The following DNAH7 variants were observed in gnomAD, a reference collection of about 807,000 sequenced individuals.
DNAH7 encodes the protein dynein axonemal heavy chain 7, also known as axonemal beta dynein heavy chain 7.
DNAH7 carries 397 observed loss-of-function variants against 444.6 expected under a neutral mutation model. The ratio of observed to expected loss-of-function variants is 0.89; its 90% CI spans 0.82 to 0.97. The LOEUF (loss-of-function observed/expected upper bound fraction) is 0.97, where lower values mean the gene tolerates loss of function less well. Ranked by LOEUF, DNAH7 falls within the 50% of genes least tolerant of loss-of-function variation. The pLI is 0.00. For synonymous variants in DNAH7, 1,636 were observed against 1,624.4 expected, an observed-to-expected ratio of 1.01 and a Z score of -0.17; for missense variants, 4,902 against 4,800.8, an observed-to-expected ratio of 1.02 and a Z score of -0.62.
At chr2:195,917,608 A>C (rs1035524457) in intron 24 of DNAH7, among the ~76,000 whole-genome samples, 1 of 152,180 alleles carries the variant, frequency 6.6e-6, no homozygotes, top group African/African-American at 2.4e-5. Context: ...AACTTGCCTC[A>C]ATCTCTCCTT....
At chr2:195,824,861 T>C (rs989255419) in intron 48 of DNAH7, 21 of 153,490 alleles carry the variant, frequency 1.4e-4, no homozygotes, top group Admixed American at 1.3e-4. Flanking sequence ...ATCTGCAAAG[T>C]ACAGGAAGAA....
Position 195,972,394 on chromosome 2 carries a change from G to T in DNAH7, c.1906C>A (p.Leu636Ile). ...TTGACATACTCGATGAGGAAGGCGA[G>T]GCAGTTTTTGGAATCCACTAATCTC... ...EQRLVDSKNC[L>I]AFLIEYVNFS... Residue 636 changes from leucine to isoleucine, a missense_variant, in exon 16 of 65, where the codon CTC (leucine) becomes ATC (isoleucine). Leu to Ile is a conservative substitution (Grantham distance 5). Transcript: ENST00000312428. 1 of 1,614,034 alleles carries T rather than the reference G, an allele frequency of 6.2e-7. No homozygotes were observed.
intron 63 of DNAH7, among the ~76,000 whole-genome samples, chr2:195,749,551 T>G (rs1266901479): frequency 6.6e-6 from 1 of 152,088 alleles, no homozygotes; most frequent in Non-Finnish European, 1.5e-5. Flanking sequence ...ATTGCAGCAC[T>G]ATTCACAATA....
At chr2:195,764,151 T>C (rs193213508) in intron 61 of DNAH7, among the ~76,000 whole-genome samples, 23 of 152,160 alleles carry the variant, frequency 1.5e-4, no homozygotes, top group African/African-American at 4.6e-4. Context: ...ATAATTTCAA[T>C]TGATACTGAA....
At chr2:195,994,841 C>T in intron 12 of DNAH7, 1 of 434,748 alleles carries the variant, frequency 2.3e-6, no homozygotes, top group South Asian at 2.0e-5. Flanking sequence ...TTTTTCTCTT[C>T]CTGACTGAGC....
chr2:195,875,793 A>G lies in DNAH7; in HGVS notation c.6168T>C (p.Ala2056=). The change falls in exon 38 of 65, where the codon GCT becomes GCC. Residue 2056 remains alanine, a synonymous_variant. Coordinates refer to ENST00000312428, the MANE Select transcript of DNAH7 (RefSeq NM_018897.3). ...VNMPAREVYG[A]QPPIELLRQW... is the part of the protein sequence containing the mutation. ...GTCTAAGTAACTCAATGGGAGGTTG[A>G]GCCCCATATACCTCCCGAGCAGGCA... 3.1e-6 allele frequency: 5 copies of G among 1,613,816 alleles called. No homozygotes were observed. Among genetic ancestry groups the G allele is most frequent in the Non-Finnish European group, 4.2e-6 (5 of 1,179,868 alleles).
chr2:195,776,014 G>A lies in DNAH7; in HGVS notation c.11065-31C>T, dbSNP rs1360717860. ...GAGATGAATAACAAGAAGTCAGGAGGTTAGAAATCAATTACTTTCTAGAAC... is the reference window on the plus strand; with the variant it reads ...GAGATGAATAACAAGAAGTCAGGAGATTAGAAATCAATTACTTTCTAGAAC... On this transcript the variant is annotated intron_variant, in intron 59 of 64. Transcript: ENST00000312428. 3.1e-6 allele frequency: 5 copies of A among 1,605,464 alleles called. No homozygotes were observed. The Admixed American group carries it at 8.7e-5, about 28-fold the overall frequency.
chr2:195,925,319 G>A (rs771230625), intron 22 of DNAH7, among the ~76,000 whole-genome samples: 3 of 152,120 alleles, frequency 2.0e-5, no homozygotes, highest in Admixed American at 6.5e-5. Flanking sequence ...GTCCCCTGGC[G>A]GGCCACCTTG....
intron 58 of DNAH7, among the ~76,000 whole-genome samples, chr2:195,779,857 A>G (rs1288822021): frequency 6.6e-6 from 1 of 152,050 alleles, no homozygotes; most frequent in African/African-American, 2.4e-5. Flanking sequence ...CCACTGCCTC[A>G]GCCTCCCAAA....
At chr2:195,740,611 GTGTGTATATATATATATA>G (rs1331948268) in intron 64 of DNAH7, among the ~76,000 whole-genome samples, 137 bp downstream of exon 64, 3 of 66,134 alleles carry the variant, frequency 4.5e-5, no homozygotes, top group African/African-American at 1.5e-4. Flanking sequence ...GTGTGTGTGT[GTGTGTATATATATATATA>G]TATATATATA....
chr2:196,029,136 T>G (rs1194247816), intron 5 of DNAH7, among the ~76,000 whole-genome samples: 1 of 152,186 alleles, frequency 6.6e-6, no homozygotes, highest in Admixed American at 6.5e-5. Flanking sequence ...TAACTACAAA[T>G]ATAACCTCAT....
At chr2:196,041,564 G>T (rs1326049707) in intron 5 of DNAH7, among the ~76,000 whole-genome samples, 1 of 151,892 alleles carries the variant, frequency 6.6e-6, no homozygotes, top group Non-Finnish European at 1.5e-5. Context: ...AAATGAAAAT[G>T]GATTAAAGAC....
intron 10 of DNAH7, among the ~76,000 whole-genome samples, chr2:196,008,620 A>C (rs751287911): frequency 1.4e-4 from 21 of 152,356 alleles, no homozygotes; most frequent in African/African-American, 4.8e-4. Context: ...TGACATATTG[A>C]TACATGCTAT....
chr2:195,890,111 C>G (rs1701929897), intron 31 of DNAH7, among the ~76,000 whole-genome samples: 1 of 152,176 alleles, frequency 6.6e-6, no homozygotes, highest in African/African-American at 2.4e-5. Context: ...GGATTTGAAT[C>G]CATATTAGCA....
In DNAH7 at chr2:195,934,586, G is replaced by T; in HGVS notation, c.3471+5C>A. 1 of 1,613,490 alleles carries T rather than the reference G, an allele frequency of 6.2e-7. No homozygotes were observed. Among genetic ancestry groups the T allele is most frequent in the African/African-American group, 1.3e-5 (1 of 75,012 alleles). ...TTTCTAAAAATCATCAGTATAATCA[G>T]CTACCTTGTGGATGGAGTTAATCAT... On this transcript the variant is annotated splice_donor_5th_base_variant and intron_variant, in intron 21 of 64. Transcript: ENST00000312428.
At chr2:196,051,911 A>G (rs1697497387) in intron 2 of DNAH7, among the ~76,000 whole-genome samples, 1 of 152,218 alleles carries the variant, frequency 6.6e-6, no homozygotes, top group African/African-American at 2.4e-5. Flanking sequence ...TCTTTCCCCA[A>G]TTAAACCCTA....
intron 19 of DNAH7, among the ~76,000 whole-genome samples, chr2:195,937,641 A>G (rs1051538998): frequency 2.0e-5 from 3 of 152,220 alleles, no homozygotes; most frequent in Admixed American, 2.0e-4. Flanking sequence ...AAATCTTTAG[A>G]AATACATATA....
intron 5 of DNAH7, among the ~76,000 whole-genome samples, chr2:196,034,812 A>C (rs903822418): frequency 4.6e-5 from 7 of 152,198 alleles, no homozygotes; most frequent in African/African-American, 1.7e-4. Context: ...ATTGAACATC[A>C]AACCGTACCT....
intron 19 of DNAH7, among the ~76,000 whole-genome samples, chr2:195,955,462 G>C (rs1336621242): frequency 1.3e-5 from 2 of 152,252 alleles, no homozygotes; most frequent in East Asian, 3.9e-4. Context: ...GTAGCATGAT[G>C]CCTCCAGCTT....
Sources: gnomAD v4.1 joint callset for allele counts (sites outside exome capture counted in the v4.1 genomes callset) on GRCh38, gnomAD v4.1.1 for gene constraint, MANE v1.5 for transcripts, NCBI Gene and HGNC (gene_info 2026-07-23, HGNC 2026-07-21) for gene names.